The following CNTN1 variants were observed in gnomAD, a reference collection of about 807,000 sequenced individuals.
CNTN1 encodes the protein contactin-1.
A neutral mutation model predicts 126.4 loss-of-function variants in CNTN1; 38 were observed. The ratio of observed to expected loss-of-function variants is 0.30; its 90% CI spans 0.23 to 0.39. CNTN1 has a LOEUF of 0.39. Among genes scored for constraint, CNTN1 ranks in the 10% least tolerant of loss-of-function variants. CNTN1 has a pLI of 1.00. For synonymous variants in CNTN1, 413 were observed against 422.6 expected (o/e 0.98, Z 0.28); for missense variants, 1,009 against 1,248.4 (o/e 0.81, Z 2.89).
intron 1 of CNTN1, among the ~76,000 whole-genome samples, chr12:40,897,727 T>C (rs1295558420): frequency 6.6e-6 from 1 of 152,156 alleles, no homozygotes; most frequent in Non-Finnish European, 1.5e-5. Flanking sequence ...GAAACCTCAA[T>C]GGTTTGGGGG....
chr12:40,937,017 C>A, intron 10 of CNTN1, 112 bp downstream of exon 10: 2 of 1,364,410 alleles, frequency 1.5e-6, no homozygotes, highest in Non-Finnish European at 2.1e-6. Context: ...CACTTGGGCC[C>A]TGAAATATAA....
intron 1 of CNTN1, among the ~76,000 whole-genome samples, chr12:40,860,883 G>C (rs1943095205): frequency 6.6e-6 from 1 of 152,008 alleles, no homozygotes. Flanking sequence ...TGGTATTTCT[G>C]GCAACCAGCT....
intron 16 of CNTN1, among the ~76,000 whole-genome samples, chr12:40,991,187 A>C (rs930172969): frequency 6.6e-6 from 1 of 152,150 alleles, no homozygotes; most frequent in Admixed American, 6.5e-5. Context: ...TGATGGCTCC[A>C]CATATCCCTT....
intron 23 of CNTN1, among the ~76,000 whole-genome samples, chr12:41,051,782 C>T (rs746337023): frequency 4.0e-5 from 6 of 151,832 alleles, no homozygotes; most frequent in Non-Finnish European, 8.8e-5. Context: ...GAAATTCCTG[C>T]ATACTATGTA....
chr12:40,793,257 G>A (rs1177820368), intron 1 of CNTN1, among the ~76,000 whole-genome samples: 2 of 151,930 alleles, frequency 1.3e-5, no homozygotes, highest in African/African-American at 4.8e-5. Context: ...GTAACCTCAG[G>A]ATGGTATACA....
intron 17 of CNTN1, among the ~76,000 whole-genome samples, chr12:41,002,229 G>A (rs1566119804): frequency 2.0e-5 from 3 of 152,140 alleles, no homozygotes; most frequent in Non-Finnish European, 1.5e-5. Context: ...GCTTTGGGCA[G>A]TATGGCCATT....
At chr12:41,007,961 C>T (rs766684712) in intron 17 of CNTN1, among the ~76,000 whole-genome samples, 1 of 152,200 alleles carries the variant, frequency 6.6e-6, no homozygotes, top group Non-Finnish European at 1.5e-5. Context: ...CAAAGCCTTA[C>T]CAAGGACTCT....
intron 17 of CNTN1, among the ~76,000 whole-genome samples, chr12:41,007,543 G>T (rs528898498): frequency 6.6e-6 from 1 of 152,158 alleles, no homozygotes; most frequent in Non-Finnish European, 1.5e-5. Context: ...AAGAGAAACA[G>T]TTCTCTCTCT....
chr12:40,885,446 T>A (rs887944713), intron 1 of CNTN1, among the ~76,000 whole-genome samples: 1 of 151,970 alleles, frequency 6.6e-6, no homozygotes, highest in African/African-American at 2.4e-5. Flanking sequence ...AACAATTTGG[T>A]AGAGTACTTA....
intron 15 of CNTN1, among the ~76,000 whole-genome samples, chr12:40,961,730 C>T (rs144242950): frequency 3.2e-4 from 49 of 152,066 alleles, no homozygotes; most frequent in African/African-American, 1.2e-3. Flanking sequence ...GATCAAGACT[C>T]TCTAATAAAA....
chr12:41,049,976 T>G (rs937329401), intron 23 of CNTN1, among the ~76,000 whole-genome samples: 3 of 152,212 alleles, frequency 2.0e-5, no homozygotes, highest in Non-Finnish European at 4.4e-5. Context: ...CTCGGCTTAC[T>G]GCAACCTCCA....
chr12:41,052,425 C>T (rs920487718), intron 23 of CNTN1, among the ~76,000 whole-genome samples: 2 of 152,024 alleles, frequency 1.3e-5, no homozygotes, highest in Non-Finnish European at 2.9e-5. Flanking sequence ...TTAAAAAGTG[C>T]CTGGAACAAC....
intron 15 of CNTN1, among the ~76,000 whole-genome samples, chr12:40,980,448 C>A (rs1346347416): frequency 8.7e-4 from 112 of 128,472 alleles, no homozygotes; most frequent in South Asian, 1.3e-3. Flanking sequence ...GACCCTAACT[C>A]AAAAAAAAAA....
At chr12:40,883,658 A>G (rs897464282) in intron 1 of CNTN1, among the ~76,000 whole-genome samples, 2 of 151,580 alleles carry the variant, frequency 1.3e-5, no homozygotes, top group Non-Finnish European at 1.5e-5. Flanking sequence ...CCATCCTGTA[A>G]TAAGAAAGTG....
intron 17 of CNTN1, among the ~76,000 whole-genome samples, chr12:41,002,026 G>A (rs746811200): frequency 7.9e-5 from 12 of 151,958 alleles, no homozygotes; most frequent in East Asian, 1.9e-4. Flanking sequence ...TTTGATTACC[G>A]TAGCCCTGTA....
intron 23 of CNTN1, among the ~76,000 whole-genome samples, chr12:41,055,247 G>A (rs997710458): frequency 6.6e-6 from 1 of 152,104 alleles, no homozygotes; most frequent in Non-Finnish European, 1.5e-5. Flanking sequence ...ATTATAAGCA[G>A]TGGCTTAGAA....
At chr12:40,811,218 G>C (rs1941048487) in intron 1 of CNTN1, among the ~76,000 whole-genome samples, 1 of 152,028 alleles carries the variant, frequency 6.6e-6, no homozygotes, top group African/African-American at 2.4e-5. Flanking sequence ...TGATAATATG[G>C]TCATTCTGTT....
chr12:40,996,170 C>T (rs1948210401), intron 17 of CNTN1, among the ~76,000 whole-genome samples: 1 of 151,192 alleles, frequency 6.6e-6, no homozygotes, highest in Non-Finnish European at 1.5e-5. Context: ...AGTTCAGTGG[C>T]TCTTTTTTTG....
At chr12:40,894,015 G>T (rs1238352818) in intron 1 of CNTN1, among the ~76,000 whole-genome samples, 2 of 151,980 alleles carry the variant, frequency 1.3e-5, no homozygotes, top group East Asian at 3.9e-4. Context: ...CACCCCAAAA[G>T]GCAAACACTC....
Sources: gnomAD v4.1 joint callset for allele counts (sites outside exome capture counted in the v4.1 genomes callset) on GRCh38, gnomAD v4.1.1 for gene constraint, MANE v1.5 for transcripts, NCBI Gene and HGNC (gene_info 2026-07-23, HGNC 2026-07-21) for gene names.